OSBPL9: variants seen among roughly 807,000 people sequenced by gnomAD.
OSBPL9 encodes oxysterol binding protein like 9.
In OSBPL9, 40 loss-of-function variants were observed where a neutral mutation model predicts 106.6. That is an observed-to-expected ratio of 0.38 (90% confidence interval 0.29 to 0.49). The LOEUF is 0.49. OSBPL9 is among the 20% of genes least tolerant of loss of function. OSBPL9 has a pLI of 0.97. For synonymous variants in OSBPL9, 269 were observed against 295.4 expected, an observed-to-expected ratio of 0.91 and a Z score of 0.92; for missense variants, 609 against 887.2, an observed-to-expected ratio of 0.69 and a Z score of 3.98.
chr1:51,523,034 A>T, the OSBPL9 span, among the ~76,000 whole-genome samples: 4 of 152,014 alleles, frequency 2.6e-5, no homozygotes, highest in Admixed American at 2.0e-4. Context: ...AGGCAGGAGG[A>T]TTGCATGAGC....
chr1:51,650,299 A>T (rs917841355), intron 1 of OSBPL9, among the ~76,000 whole-genome samples: 1 of 152,220 alleles, frequency 6.6e-6, no homozygotes, highest in Admixed American at 6.5e-5. Flanking sequence ...GTAGAAGAGG[A>T]TCAAGGATGA....
chr1:51,630,873 A>G (rs986364779), intron 1 of OSBPL9, among the ~76,000 whole-genome samples: 2 of 152,232 alleles, frequency 1.3e-5, no homozygotes, highest in Non-Finnish European at 2.9e-5. Flanking sequence ...TTCTTTCTTT[A>G]TATGCTTATT....
chr1:51,639,816 GTTTTTTTT>G (rs758174157), intron 1 of OSBPL9, among the ~76,000 whole-genome samples: 4 of 67,026 alleles, frequency 6.0e-5, no homozygotes, highest in African/African-American at 2.6e-4. Context: ...ATTCCTAGTT[GTTTTTTTT>G]TTTTTTTTTT....
intron 1 of OSBPL9, among the ~76,000 whole-genome samples, chr1:51,650,272 T>A (rs1646432107): frequency 6.6e-6 from 1 of 152,206 alleles, no homozygotes; most frequent in Non-Finnish European, 1.5e-5. Flanking sequence ...TAATTTTATT[T>A]AAAAAATTGT....
the OSBPL9 span, among the ~76,000 whole-genome samples, chr1:51,528,309 G>T: frequency 4.6e-5 from 7 of 152,272 alleles, no homozygotes; most frequent in South Asian, 1.5e-3. Context: ...TGGAATAAAT[G>T]AGTTCAGCAA....
chr1:51,540,652 CA>C, the OSBPL9 span, among the ~76,000 whole-genome samples: 4,640 of 134,676 alleles, frequency 0.034, 128 homozygotes, highest in Admixed American at 0.1. Context: ...GACTCTGTCT[CA>C]AAAAAAAAAA....
chr1:51,756,248 T>C, intron 8 of OSBPL9, 72 bp from the exon 9 acceptor site: 5 of 1,308,224 alleles, frequency 3.8e-6, no homozygotes, highest in Non-Finnish European at 5.5e-6. Context: ...ATAAGCTTTC[T>C]TGTAGGAGAA....
chr1:51,728,659 A>G (rs540579853), intron 4 of OSBPL9, among the ~76,000 whole-genome samples: 6 of 152,278 alleles, frequency 3.9e-5, no homozygotes, highest in African/African-American at 1.4e-4. Context: ...TATCTTTAAC[A>G]CTGAGTCCAG....
chr1:51,626,678 T>A (rs1334191936), intron 1 of OSBPL9, among the ~76,000 whole-genome samples: 1 of 152,016 alleles, frequency 6.6e-6, no homozygotes, highest in East Asian at 1.9e-4. Flanking sequence ...ACGAGCTAAT[T>A]TTTGTTTTGC....
the OSBPL9 span, among the ~76,000 whole-genome samples, chr1:51,544,320 G>C: frequency 1.3e-5 from 2 of 152,076 alleles, no homozygotes; most frequent in South Asian, 4.2e-4. Flanking sequence ...AGTCCAGCCT[G>C]GGCAACATAG....
intron 12 of OSBPL9, among the ~76,000 whole-genome samples, chr1:51,771,723 TAAAGAC>T (rs1178485355): frequency 6.6e-6 from 1 of 152,170 alleles, no homozygotes; most frequent in African/African-American, 2.4e-5. Flanking sequence ...ATCTCAAACA[TAAAGAC>T]AAGACATGTT....
Position 51,759,386 on chromosome 1 carries a change from G to A in OSBPL9, c.583-1304G>A, listed in dbSNP as rs138877640. The A allele has an allele frequency of 5.9e-5, 9 of 152,132 alleles. No individual in the cohort carries two copies. In the East Asian group the frequency reaches 1.7e-3, roughly 29 times the overall value. The allele number at this position is 152,132 out of a possible 1,614,324, so 9.4% of individuals were successfully genotyped here. On this transcript the variant is annotated intron_variant, in intron 9 of 23. Coordinates refer to ENST00000428468, the MANE Select transcript of OSBPL9 (RefSeq NM_024586.6). ...GGCCTGGAAAAAAATTTTTAACTTA[G>A]ATATTACGTGAGAATGCTACAAAAA... is the stretch of plus-strand genomic sequence containing the variant.
intron 3 of OSBPL9, among the ~76,000 whole-genome samples, chr1:51,697,453 CTT>C (rs759965779): frequency 3.7e-4 from 38 of 103,156 alleles, no homozygotes; most frequent in South Asian, 1.0e-3. Flanking sequence ...ATAGGGGTTA[CTT>C]TTTTTTTTTT....
At chr1:51,744,018 G>C (rs1667466858) in intron 4 of OSBPL9, among the ~76,000 whole-genome samples, 1 of 151,680 alleles carries the variant, frequency 6.6e-6, no homozygotes, top group Admixed American at 6.6e-5. Context: ...TCATTGGGAA[G>C]GGGCTTTGTA....
the OSBPL9 span, among the ~76,000 whole-genome samples, chr1:51,564,372 T>C: frequency 6.6e-6 from 1 of 152,154 alleles, no homozygotes; most frequent in Non-Finnish European, 1.5e-5. Flanking sequence ...ATTGTTATAA[T>C]AGGTATTTTA....
At chr1:51,592,664 G>A (rs1487285627) in intron 1 of OSBPL9, among the ~76,000 whole-genome samples, 1 of 152,210 alleles carries the variant, frequency 6.6e-6, no homozygotes. Context: ...GTGAGGTCGT[G>A]CAGACCAAAC....
At chr1:51,654,593 A>G (rs1228814097) in intron 2 of OSBPL9, among the ~76,000 whole-genome samples, 1 of 152,156 alleles carries the variant, frequency 6.6e-6, no homozygotes, top group Admixed American at 6.5e-5. Flanking sequence ...GATATATAGC[A>G]TTATTTGCAA....
intron 4 of OSBPL9, among the ~76,000 whole-genome samples, chr1:51,715,571 A>T (rs1157984556): frequency 6.6e-6 from 1 of 152,028 alleles, no homozygotes. Context: ...CAGCCACCAC[A>T]CCTGGCCTAA....
At chr1:51,620,012 G>A (rs981986302) in intron 1 of OSBPL9, among the ~76,000 whole-genome samples, 1 of 152,180 alleles carries the variant, frequency 6.6e-6, no homozygotes, top group African/African-American at 2.4e-5. Context: ...CTAAACTAGA[G>A]TGACCTTGCT....
Sources: gnomAD v4.1 joint callset for allele counts (sites outside exome capture counted in the v4.1 genomes callset) on GRCh38, gnomAD v4.1.1 for gene constraint, MANE v1.5 for transcripts, NCBI Gene and HGNC (gene_info 2026-07-23, HGNC 2026-07-21) for gene names.